The following CLYBL variants were observed in gnomAD, a reference collection of about 807,000 sequenced individuals.
CLYBL encodes the protein citramalyl-CoA lyase, mitochondrial.
CLYBL carries 31 observed loss-of-function variants against 38.9 expected under a neutral mutation model. The observed-to-expected ratio is 0.80, with a 90% confidence interval of 0.60 to 1.08. CLYBL has a LOEUF of 1.08. Ranked by LOEUF, CLYBL falls within the 50% of genes least tolerant of loss-of-function variation. The pLI is 0.00. For missense variants in CLYBL, 434 were observed against 411.6 expected, an observed-to-expected ratio of 1.05 and a Z score of -0.47; for synonymous variants, 171 against 158.6, an observed-to-expected ratio of 1.08 and a Z score of -0.59.
At position 99,748,429 on chromosome 13, in the gene CLYBL, G is replaced by GTTTTTTTTT. The variant is rs1165919560; in HGVS notation, c.63-24375_63-24367dup. Reference sequence around the variant, plus strand: ...CTGGCAACTATCACTCTAGTTTTGTGTTTTTTTTTTTTTTTTTTTTTTTTT... The same window carrying GTTTTTTTTT: ...CTGGCAACTATCACTCTAGTTTTGTGTTTTTTTTTTTTTTTTTTTTTTTTTTTTTTTTTT... On this transcript the variant is annotated intron_variant, in intron 1 of 8. Transcript: ENST00000339105. Among the ~76,000 whole-genome samples, 8 of 87,688 alleles carry GTTTTTTTTT rather than the reference G, an allele frequency of 9.1e-5. 1 individual carries two copies. The highest frequency in any genetic ancestry group is 2.1e-4 in the African/African-American group (4 of 18,736). 57.5% of individuals were successfully genotyped at this position (87,688 alleles called of 152,430 possible). A position where few individuals can be genotyped will look rare whatever the true frequency, so the allele number is the denominator to read the frequency against.
At chr13:99,829,438 G>A (rs141678187) in intron 2 of CLYBL, among the ~76,000 whole-genome samples, 2 of 152,296 alleles carry the variant, frequency 1.3e-5, no homozygotes, top group East Asian at 3.9e-4. Context: ...ACCAGAAAAT[G>A]CCTCTCTCAT....
rs1052066379 is a variant in CLYBL at position 99,764,759 on chromosome 13, C to A, written c.63-8065C>A. On this transcript the variant is annotated intron_variant, in intron 1 of 8. Coordinates refer to ENST00000339105, the MANE Select transcript of CLYBL (RefSeq NM_206808.5). ...TGAAATGATCATGGGTCACTACAACCCTGAACTCGTGGGCTGAAGCAATCC... is the reference window on the plus strand; with the variant it reads ...TGAAATGATCATGGGTCACTACAACACTGAACTCGTGGGCTGAAGCAATCC... Among the ~76,000 whole-genome samples the A allele has an allele frequency of 2.0e-5, 3 of 152,186 alleles. No homozygotes were observed. In the East Asian group the frequency reaches 5.8e-4, roughly 29 times the overall value.
intron 2 of CLYBL, among the ~76,000 whole-genome samples, chr13:99,794,623 A>G (rs1253496509): frequency 1.5e-5 from 2 of 133,402 alleles, no homozygotes; most frequent in Admixed American, 1.5e-4. Context: ...ATGGAGTCAT[A>G]TGCTGTCACC....
intron 7 of CLYBL, among the ~76,000 whole-genome samples, chr13:99,881,996 G>A (rs918278815): frequency 1.3e-5 from 2 of 151,992 alleles, no homozygotes; most frequent in South Asian, 2.1e-4. Context: ...GCAGTTTCAC[G>A]TATTTGCTTA....
chr13:99,632,665 A>G (rs932778120), intron 1 of CLYBL, among the ~76,000 whole-genome samples: 1 of 152,192 alleles, frequency 6.6e-6, no homozygotes, highest in African/African-American at 2.4e-5. Context: ...GAATCCCTTG[A>G]ACCTGGGAGG....
At chr13:99,872,335 C>G (rs1225486213) in intron 7 of CLYBL, among the ~76,000 whole-genome samples, 2 of 152,192 alleles carry the variant, frequency 1.3e-5, no homozygotes, top group South Asian at 4.2e-4. Context: ...CAGTGGCCAT[C>G]AGAAAAGTAA....
chr13:99,819,467 T>TAAATAA (rs58025465), intron 2 of CLYBL, among the ~76,000 whole-genome samples: 1 of 55,676 alleles, frequency 1.8e-5, no homozygotes, highest in African/African-American at 8.3e-5. Context: ...TATATATATA[T>TAAATAA]AATATTTGTC....
At chr13:99,703,712 A>G (rs921227589) in intron 1 of CLYBL, among the ~76,000 whole-genome samples, 4 of 152,170 alleles carry the variant, frequency 2.6e-5, no homozygotes, top group African/African-American at 9.7e-5. Context: ...CAGGAGATGT[A>G]TTCAGAAAGA....
intron 7 of CLYBL, among the ~76,000 whole-genome samples, chr13:99,876,745 G>A (rs2052053111): frequency 4.6e-5 from 7 of 152,102 alleles, no homozygotes; most frequent in Admixed American, 4.6e-4. Context: ...GCAGAATTCA[G>A]GGCTTAGTTT....
chr13:99,627,846 A>G (rs568409289), intron 1 of CLYBL, among the ~76,000 whole-genome samples: 1 of 152,334 alleles, frequency 6.6e-6, no homozygotes, highest in East Asian at 1.9e-4. Flanking sequence ...TTAGCCTGCC[A>G]TAAGTCACTG....
At chr13:99,737,484 G>C (rs1006466078) in intron 1 of CLYBL, among the ~76,000 whole-genome samples, 1 of 152,190 alleles carries the variant, frequency 6.6e-6, no homozygotes, top group Admixed American at 6.5e-5. Context: ...ACCAACTCCA[G>C]GTGTGCTGGG....
chr13:99,853,649 T>C (rs941447207), intron 2 of CLYBL, among the ~76,000 whole-genome samples: 4 of 152,206 alleles, frequency 2.6e-5, no homozygotes, highest in African/African-American at 9.6e-5. Flanking sequence ...CATTTGCCTT[T>C]TTTTTTCAGT....
At chr13:99,692,975 G>A (rs2139435458) in intron 1 of CLYBL, among the ~76,000 whole-genome samples, 1 of 152,230 alleles carries the variant, frequency 6.6e-6, no homozygotes, top group Admixed American at 6.5e-5. Context: ...TCCAATGATG[G>A]ATATTTTTTG....
intron 1 of CLYBL, among the ~76,000 whole-genome samples, chr13:99,713,684 CTGAT>C (rs931206459): frequency 7.3e-5 from 11 of 150,664 alleles, no homozygotes; most frequent in African/African-American, 2.4e-4. Flanking sequence ...TCTAATGTTT[CTGAT>C]TGATTGATTG....
chr13:99,693,097 C>T (rs556463187), intron 1 of CLYBL, among the ~76,000 whole-genome samples: 10 of 152,114 alleles, frequency 6.6e-5, no homozygotes, highest in Non-Finnish European at 2.9e-5. Flanking sequence ...AGTGGAATTG[C>T]TGGGTCTTAT....
At chr13:99,888,623 C>T (rs1046605457) in intron 7 of CLYBL, among the ~76,000 whole-genome samples, 4 of 152,040 alleles carry the variant, frequency 2.6e-5, no homozygotes, top group Admixed American at 6.6e-5. Flanking sequence ...CGTGGTGGCA[C>T]GCACCTGTAG....
intron 1 of CLYBL, among the ~76,000 whole-genome samples, chr13:99,686,549 C>CT (rs1267540214): frequency 3.3e-5 from 5 of 151,470 alleles, no homozygotes; most frequent in Non-Finnish European, 5.9e-5. Flanking sequence ...TCAGTGACTG[C>CT]TTTTTGAGTG....
intron 1 of CLYBL, among the ~76,000 whole-genome samples, chr13:99,679,210 C>T (rs772120877): frequency 1.3e-5 from 2 of 149,854 alleles, no homozygotes; most frequent in Admixed American, 1.3e-4. Context: ...AGGAGAATGG[C>T]GTGAACCCGG....
chr13:99,807,433 C>A (rs184968092), intron 2 of CLYBL, among the ~76,000 whole-genome samples: 169 of 152,302 alleles, frequency 1.1e-3, no homozygotes, highest in African/African-American at 3.9e-3. Context: ...GTCGAAGCAA[C>A]CTAGGTGCCC....
Sources: allele counts gnomAD v4.1 joint callset (sites outside exome capture counted in the v4.1 genomes callset), GRCh38; gene constraint gnomAD v4.1.1; transcripts MANE v1.5; gene names NCBI Gene and HGNC (gene_info 2026-07-23, HGNC 2026-07-21).